The following SAMD4A variants were observed in gnomAD, a reference collection of about 807,000 sequenced individuals.
The protein encoded by SAMD4A is sterile alpha motif domain containing 4A.
SAMD4A carries 33 observed loss-of-function variants against 81.3 expected under a neutral mutation model. That is an observed-to-expected ratio of 0.41 (90% CI 0.31 to 0.54). SAMD4A has a LOEUF of 0.54. SAMD4A is among the 20% of genes least tolerant of loss of function. SAMD4A has a pLI of 0.37. For synonymous variants in SAMD4A, 389 were observed against 382.1 expected (o/e 1.02, Z -0.21); for missense variants, 854 against 951.1 (o/e 0.90, Z 1.34).
At chr14:54,669,656 G>A (rs1171695583) in intron 2 of SAMD4A, among the ~76,000 whole-genome samples, 1 of 151,714 alleles carries the variant, frequency 6.6e-6, no homozygotes, top group Non-Finnish European at 1.5e-5. Context: ...TGTTGGTGTT[G>A]GTTTTTAACT....
intron 2 of SAMD4A, among the ~76,000 whole-genome samples, chr14:54,644,791 T>A (rs894005266): frequency 5.3e-5 from 8 of 152,172 alleles, no homozygotes; most frequent in East Asian, 3.8e-4. Context: ...ATGATTTTTT[T>A]AAAAAGCATA....
At chr14:54,668,887 C>T (rs1027581689) in intron 2 of SAMD4A, 3 of 152,198 alleles carry the variant, frequency 2.0e-5, no homozygotes, top group African/African-American at 7.2e-5. Flanking sequence ...AGTCTGACTC[C>T]TGAGTCCATG....
chr14:54,784,336 C>T, intron 11 of SAMD4A: 1 of 1,551,672 alleles, frequency 6.4e-7, no homozygotes, highest in African/African-American at 1.4e-5. Flanking sequence ...CCGTTTTGTT[C>T]CAGGTTCCCA....
At chr14:54,580,512 G>T (rs1313839877) in intron 2 of SAMD4A, among the ~76,000 whole-genome samples, 3 of 152,206 alleles carry the variant, frequency 2.0e-5, no homozygotes, top group East Asian at 1.9e-4. Flanking sequence ...CTCTGGAGTT[G>T]CCCTAAACCC....
At chr14:54,610,402 A>G (rs1043996284) in intron 2 of SAMD4A, among the ~76,000 whole-genome samples, 3 of 152,182 alleles carry the variant, frequency 2.0e-5, no homozygotes, top group African/African-American at 4.8e-5. Flanking sequence ...GTCGTCCCAG[A>G]AAAGCGTTTT....
intron 2 of SAMD4A, among the ~76,000 whole-genome samples, chr14:54,605,900 A>G (rs1159655423): frequency 6.6e-6 from 1 of 152,146 alleles, no homozygotes; most frequent in Non-Finnish European, 1.5e-5. Flanking sequence ...TGAGGAACTC[A>G]TATATTTACA....
chr14:54,567,891 T>G lies in SAMD4A; in HGVS notation c.-26T>G. The G allele has an allele frequency of 6.3e-7, 1 of 1,595,872 alleles. No homozygotes were observed. The highest frequency in any genetic ancestry group is 1.7e-5 in the Admixed American group (1 of 59,130). ...GCGGGCTGGGGCGCCCAGGGGGCTC[T>G]GTAGACCGAGGGCGGCCCCCTAACC... is the stretch of plus-strand genomic sequence containing the variant. On this transcript the variant is annotated 5_prime_UTR_variant, in exon 2 of 13. Transcript: ENST00000554335.
chr14:54,751,358 GAAGA>G (rs2038097619), intron 5 of SAMD4A, 89 bp from the exon 6 acceptor site: 4 of 789,738 alleles, frequency 5.1e-6, no homozygotes, highest in Non-Finnish European at 8.4e-6. Context: ...TAGGAGCAAA[GAAGA>G]CAGTAAAAGC....
At chr14:54,774,836 T>A (rs1422048674) in intron 9 of SAMD4A, 98 bp from the exon 10 acceptor site, 70 of 893,958 alleles carry the variant, frequency 7.8e-5, no homozygotes, top group African/African-American at 6.0e-4. Flanking sequence ...AAAAAAAAAA[T>A]GAGGAGACCT....
At chr14:54,577,006 C>T (rs909237292) in intron 2 of SAMD4A, among the ~76,000 whole-genome samples, 2 of 152,144 alleles carry the variant, frequency 1.3e-5, no homozygotes, top group Non-Finnish European at 2.9e-5. Flanking sequence ...TCCCAGGCAA[C>T]AGGAGAAGGG....
chr14:54,698,843 T>G (rs1439442492), intron 2 of SAMD4A, among the ~76,000 whole-genome samples: 1 of 152,194 alleles, frequency 6.6e-6, no homozygotes, highest in Non-Finnish European at 1.5e-5. Flanking sequence ...GAATCCCAGG[T>G]TAATCCACAG....
intron 2 of SAMD4A, among the ~76,000 whole-genome samples, chr14:54,671,414 ATATGGAAAGTGCT>A (rs2035877903): frequency 1.3e-5 from 2 of 152,192 alleles, no homozygotes; most frequent in Non-Finnish European, 2.9e-5. Flanking sequence ...ATTAAGTGAG[ATATGGAAAGTGCT>A]TAGAACAGCA....
chr14:54,737,431 C>G (rs960205473), intron 4 of SAMD4A, 144 bp downstream of exon 4: 1 of 976,780 alleles, frequency 1.0e-6, no homozygotes. Flanking sequence ...CCTTCCAGAA[C>G]TCCAGGTTGA....
chr14:54,721,352 A>G (rs1251268388), intron 3 of SAMD4A, among the ~76,000 whole-genome samples: 1 of 152,192 alleles, frequency 6.6e-6, no homozygotes, highest in African/African-American at 2.4e-5. Context: ...AATAGTAACT[A>G]TCTTATCCAC....
intron 2 of SAMD4A, among the ~76,000 whole-genome samples, chr14:54,619,076 A>C (rs981432661): frequency 5.3e-5 from 8 of 152,068 alleles, no homozygotes; most frequent in African/African-American, 1.9e-4. Context: ...TCCAATGTGT[A>C]GACAACTGCC....
At chr14:54,700,992 A>ATTTTTTTTTTTTTTTTTTTTTT (rs1555344776) in intron 2 of SAMD4A, 1 of 121,654 alleles carries the variant, frequency 8.2e-6, no homozygotes. Context: ...TGAAACGGTG[A>ATTTTTTTTTTTTTTTTTTTTTT]ATTTTTTTTT....
intron 2 of SAMD4A, among the ~76,000 whole-genome samples, chr14:54,649,075 T>C (rs886989691): frequency 6.6e-6 from 1 of 152,184 alleles, no homozygotes; most frequent in Non-Finnish European, 1.5e-5. Flanking sequence ...CTGAGTGGTA[T>C]CATTGACTGA....
intron 2 of SAMD4A, among the ~76,000 whole-genome samples, chr14:54,627,519 TA>T (rs1351541449): frequency 6.6e-6 from 1 of 152,216 alleles, no homozygotes. Context: ...GCCTTTCAGA[TA>T]GATTCCTTAG....
chr14:54,731,653 C>T (rs868285343), intron 3 of SAMD4A, among the ~76,000 whole-genome samples: 3 of 151,956 alleles, frequency 2.0e-5, no homozygotes, highest in Non-Finnish European at 2.9e-5. Context: ...TTTAATGAAG[C>T]GTATGTTTTT....
Sources: allele counts gnomAD v4.1 joint callset (sites outside exome capture counted in the v4.1 genomes callset), GRCh38; gene constraint gnomAD v4.1.1; transcripts MANE v1.5; gene names NCBI Gene and HGNC (gene_info 2026-07-23, HGNC 2026-07-21).